RAB44: variants seen among roughly 807,000 people sequenced by gnomAD.
The protein encoded by RAB44 is RAB44, member RAS oncogene family, also known as ras-related protein Rab-44.
In RAB44, 67 loss-of-function variants were observed where a neutral mutation model predicts 93.3. The ratio of observed to expected loss-of-function variants is 0.72; its 90% CI spans 0.59 to 0.88. The LOEUF (loss-of-function observed/expected upper bound fraction) is 0.88, where lower values mean the gene tolerates loss of function less well. RAB44 is among the 40% of genes least tolerant of loss of function. The pLI is 0.00. For missense variants in RAB44, 1,064 were observed against 1,261.7 expected (o/e 0.84, Z 2.37); for synonymous variants, 427 against 520.3 (o/e 0.82, Z 2.44).
chr6:36,723,547 C>T (rs1185112886), intron 9 of RAB44, among the ~76,000 whole-genome samples: 1 of 152,020 alleles, frequency 6.6e-6, no homozygotes, highest in Admixed American at 6.6e-5. Flanking sequence ...TACAGAAAAG[C>T]AAACCCAGCC....
In RAB44 at chr6:36,732,660, G is replaced by A. The variant is rs86702; in HGVS notation, c.*567G>A. 50,457 of 151,910 alleles carry A rather than the reference G, an allele frequency of 0.33. 8,555 individuals carry two copies. Among genetic ancestry groups the A allele is most frequent in the Middle Eastern group, 0.41 (120 of 292 alleles). 9.4% of individuals were successfully genotyped at this position (151,910 alleles called of 1,614,324 possible). A position where few individuals can be genotyped will look rare whatever the true frequency, so the allele number is the denominator to read the frequency against. On this transcript the variant is annotated 3_prime_UTR_variant, in exon 14 of 14. Transcript: ENST00000612677. ...GGGCGCTGTTGGCCTGGTCTCCCTC[G>A]CTATTTCTATTTGCAAGCATGGGCT...
chr6:36,726,040 C>A, intron 10 of RAB44, 97 bp downstream of exon 10: 1 of 932,032 alleles, frequency 1.1e-6, no homozygotes, highest in Non-Finnish European at 1.7e-6. Context: ...CAGGAGGCAA[C>A]TGCCCCCCAA....
chr6:36,721,610 A>C lies in RAB44; in HGVS notation c.1476A>C (p.Ala492=), dbSNP rs1454371839. The C allele has an allele frequency of 8.1e-7, 1 of 1,234,312 alleles. No individual in the cohort carries two copies. Among genetic ancestry groups the C allele is most frequent in the Admixed American group, 4.2e-5 (1 of 23,706 alleles). The allele number at this position is 1,234,312 out of a possible 1,614,324, so 76.5% of individuals were successfully genotyped here. The change falls in exon 9 of 14, where the codon GCA becomes GCC. Residue 492 remains alanine (A), a synonymous_variant. Transcript: ENST00000612677. ...WGLSGSLVAP[A]FKVLIPLEDG... is the part of the protein sequence containing the mutation. ...TCTCAGGAAGCCTGGTGGCACCTGCATTCAAAGTGCTCATTCCTTTGGAGG... is the reference window on the plus strand; with the variant it reads ...TCTCAGGAAGCCTGGTGGCACCTGCCTTCAAAGTGCTCATTCCTTTGGAGG...
Position 36,722,686 on chromosome 6 carries a change from A to G in RAB44, c.2552A>G (p.His851Arg). 6.4e-7 allele frequency: 1 copy of G among 1,550,640 alleles called. No homozygotes were observed. The highest frequency in any genetic ancestry group is 8.7e-7 in the Non-Finnish European group (1 of 1,147,010). The change falls in exon 9 of 14, where the codon CAC becomes CGC. Residue 851 changes from histidine to arginine, a missense_variant. Transcript: ENST00000612677. ...AACGTGGGCAAAACATCCTTCCTGC[A>G]CCTGCTGCACCAGAATTCTTTCGCC... ...DSNVGKTSFL[H>R]LLHQNSFATG... is the part of the protein sequence containing the mutation.
At chr6:36,705,125 A>AG (rs1762613408) in intron 2 of RAB44, among the ~76,000 whole-genome samples, 1 of 150,416 alleles carries the variant, frequency 6.6e-6, no homozygotes, top group Non-Finnish European at 1.5e-5. Context: ...AAAAAAAAAA[A>AG]AAGAAGAATG....
chr6:36,724,130 A>ATTATT (rs1338014845), intron 9 of RAB44, among the ~76,000 whole-genome samples: 9 of 148,580 alleles, frequency 6.1e-5, no homozygotes, highest in East Asian at 2.0e-4. Context: ...CAACACTACC[A>ATTATT]TTATTTTATT....
In RAB44 at chr6:36,722,215, C is replaced by T. The variant is rs1327287396; in HGVS notation, c.2081C>T (p.Ser694Leu). 2 of 1,257,566 alleles carry T rather than the reference C, an allele frequency of 1.6e-6. No individual in the cohort carries two copies. The highest frequency in any genetic ancestry group is 2.0e-6 in the Non-Finnish European group (2 of 1,002,074). The allele number at this position is 1,257,566 out of a possible 1,614,324, so 77.9% of individuals were successfully genotyped here. A position where few individuals can be genotyped will look rare whatever the true frequency, so the allele number is the denominator to read the frequency against. ...GGGCAGGACCTCAGTTCAGAGCAGT[C>T]AGAGCAGTCGGTTGAGGCTCACGGC... Reference protein sequence around the residue: ...RGGQDLSSEQSEQSVEAHGLE... With the variant: ...RGGQDLSSEQLEQSVEAHGLE... Residue 694 changes from serine to leucine, a missense_variant, in exon 9 of 14, where the codon TCA becomes TTA. Ser to Leu is a moderately radical substitution (Grantham distance 145, BLOSUM62 -2). Coordinates refer to ENST00000612677, the MANE Select transcript of RAB44 (RefSeq NM_001257357.2).
intron 12 of RAB44, among the ~76,000 whole-genome samples, chr6:36,729,476 TTC>T (rs1763310571): frequency 6.6e-6 from 1 of 151,418 alleles, no homozygotes; most frequent in African/African-American, 2.4e-5. Context: ...TTTTTTTTCT[TTC>T]TTTCTTTCTT....
intron 2 of RAB44, among the ~76,000 whole-genome samples, chr6:36,713,252 A>G (rs1762831311): frequency 6.6e-6 from 1 of 152,124 alleles, no homozygotes; most frequent in Non-Finnish European, 1.5e-5. Context: ...CTGGAGTGCA[A>G]TGGCACCATC....
chr6:36,711,323 A>G (rs1432891469), intron 2 of RAB44, among the ~76,000 whole-genome samples: 4 of 152,274 alleles, frequency 2.6e-5, no homozygotes, highest in Non-Finnish European at 2.9e-5. Context: ...CGAAATGAGA[A>G]GTATAGGAAA....
chr6:36,722,502 C>A lies in RAB44; in HGVS notation c.2368C>A (p.Pro790Thr). Residue 790 changes from proline (P) to threonine (T), a missense_variant, in exon 9 of 14, where the codon CCT becomes ACT. Coordinates refer to ENST00000612677, the MANE Select transcript of RAB44 (RefSeq NM_001257357.2). ...TTAHAEEQGP[P>T]HSREPRAESR... ...TGCTCACGCAGAAGAACAAGGCCCG[C>A]CTCACTCCAGGGAACCAAGGGCAGA... 6.7e-7 allele frequency: 1 copy of A among 1,498,752 alleles called. No homozygotes were observed. Among genetic ancestry groups the A allele is most frequent in the South Asian group, 1.3e-5 (1 of 75,622 alleles). The allele number at this position is 1,498,752 out of a possible 1,614,324, so 92.8% of individuals were successfully genotyped here. A position where few individuals can be genotyped will look rare whatever the true frequency, so the allele number is the denominator to read the frequency against.
intron 1 of RAB44, among the ~76,000 whole-genome samples, chr6:36,701,996 G>A (rs760465137): frequency 1.4e-4 from 22 of 152,150 alleles, no homozygotes; most frequent in Non-Finnish European, 2.4e-4. Context: ...TTCAGTTGGC[G>A]CTCGGTAAAT....
Position 36,721,957 on chromosome 6 carries a change from G to A in RAB44, c.1823G>A (p.Arg608Lys). The change falls in exon 9 of 14, where the codon AGA (arginine) becomes AAA (lysine). Residue 608 changes from arginine to lysine, a missense_variant. Arg to Lys is a conservative substitution (Grantham distance 26). Coordinates refer to ENST00000612677, the MANE Select transcript of RAB44 (RefSeq NM_001257357.2). ...CCAAGACTGGGGACCCAGAGGGCTA[G>A]AGCCCTCACCCTGGGGCCAGCTGAG... ...SEPRLGTQRA[R>K]ALTLGPAEPF... The A allele has an allele frequency of 8.1e-7, 1 of 1,234,656 alleles. No homozygotes were observed. Among genetic ancestry groups the A allele is most frequent in the Non-Finnish European group, 1.0e-6 (1 of 988,378 alleles). The allele number at this position is 1,234,656 out of a possible 1,614,324, so 76.5% of individuals were successfully genotyped here. A position where few individuals can be genotyped will look rare whatever the true frequency, so the allele number is the denominator to read the frequency against.
intron 2 of RAB44, among the ~76,000 whole-genome samples, chr6:36,707,445 A>G (rs1762676901): frequency 6.6e-6 from 1 of 152,218 alleles, no homozygotes; most frequent in South Asian, 2.1e-4. Flanking sequence ...CAGATCTATT[A>G]AAGTAGAACA....
At chr6:36,711,767 G>A (rs756984364) in intron 2 of RAB44, among the ~76,000 whole-genome samples, 58 of 152,150 alleles carry the variant, frequency 3.8e-4, no homozygotes, top group Admixed American at 1.1e-3. Flanking sequence ...TTCGGGCGTG[G>A]TGGTACATTC....
chr6:36,721,660 C>CT lies in RAB44; in HGVS notation c.1527dup (p.Pro510SerfsTer20), dbSNP rs1298676086. The CT allele has an allele frequency of 3.2e-6, 4 of 1,234,506 alleles. No homozygotes were observed. Among genetic ancestry groups the CT allele is most frequent in the African/African-American group, 1.5e-5 (1 of 64,618 alleles). 76.5% of individuals were successfully genotyped at this position (1,234,506 alleles called of 1,614,324 possible). On this transcript the variant is annotated frameshift_variant, in exon 9 of 14. Transcript: ENST00000612677. LOFTEE classifies it high-confidence loss of function. ...GATGGGCCCCCTCCCCCTGCGAACT[C>CT]TCCCCCTCCCCAGGCCCCAGCTGGG...
chr6:36,716,587 G>A (rs552974659), intron 4 of RAB44, among the ~76,000 whole-genome samples: 1 of 152,252 alleles, frequency 6.6e-6, no homozygotes, highest in South Asian at 2.1e-4. Context: ...CACTGGCCCA[G>A]GTTTGCTTGC....
At chr6:36,698,334 C>T (rs1252298970) in intron 1 of RAB44, among the ~76,000 whole-genome samples, 1 of 151,640 alleles carries the variant, frequency 6.6e-6, no homozygotes, top group African/African-American at 2.4e-5. Flanking sequence ...TTCTGAGCGC[C>T]CTTTGGTGAG....
Position 36,717,424 on chromosome 6 carries a change from G to C in RAB44, c.641+5G>C. 1 of 1,232,138 alleles carries C rather than the reference G, an allele frequency of 8.1e-7. No homozygotes were observed. The highest frequency in any genetic ancestry group is 1.0e-6 in the Non-Finnish European group (1 of 987,996). 76.3% of individuals were successfully genotyped at this position (1,232,138 alleles called of 1,614,324 possible). On this transcript the variant is annotated splice_donor_5th_base_variant and intron_variant, in intron 5 of 13. Transcript: ENST00000612677. This position sits in a 1 kb window ranked among gnomAD's most constrained non-coding sequence, Gnocchi z 4.1. ...CCTGGAGCTGACCCTGAGGAAGTGA[G>C]TGGGGGGCCTGGCCGGGTGTCTGAT...
Sources: gnomAD v4.1 joint callset for allele counts (sites outside exome capture counted in the v4.1 genomes callset) on GRCh38, gnomAD v4.1.1 for gene constraint, Gnocchi (gnomAD v3.1) non-coding constraint, MANE v1.5 for transcripts, NCBI Gene and HGNC (gene_info 2026-07-23, HGNC 2026-07-21) for gene names.